The following DCP1B variants were observed in gnomAD, a reference collection of about 807,000 sequenced individuals.
DCP1B encodes the protein decapping mRNA 1B.
DCP1B carries 47 observed loss-of-function variants against 60.5 expected under a neutral mutation model. That is an observed-to-expected ratio of 0.78 (90% CI 0.61 to 0.99). The LOEUF is 0.99. DCP1B is among the 50% of genes least tolerant of loss of function. The pLI, the probability that DCP1B is intolerant of heterozygous loss-of-function variation, is 0.00. For synonymous variants in DCP1B, 267 were observed against 280.3 expected (o/e 0.95, Z 0.47); for missense variants, 725 against 756.8 (o/e 0.96, Z 0.49).
At position 1,965,570 on chromosome 12, in the gene DCP1B, G is replaced by A. The variant is rs546044828; in HGVS notation, c.510C>T (p.Asp170=). ...DILRMLIKAK[D]EYTKCKTCSE... ...GGCAAACACTCACCTTTGTGTATTC[G>A]TCTTTGGCCTTGATGAGCATTCGTA... The change falls in exon 5 of 9, where the codon GAC becomes GAT. Residue 170 remains aspartate (D), a synonymous_variant. Transcript: ENST00000280665. The A allele has an allele frequency of 1.3e-4, 202 of 1,612,862 alleles. No individual in the cohort carries two copies. The highest frequency in any genetic ancestry group is 1.6e-4 in the Non-Finnish European group (183 of 1,179,492).
At position 1,972,268 on chromosome 12, in the gene DCP1B, A is replaced by G. The variant is rs575354840; in HGVS notation, c.320-4358T>C. ...AAGTCTTCCTCACAAGAGTAGAATAATATTTTCAATGTAAGGATGGAGAAT... is the reference window on the plus strand; with the variant it reads ...AAGTCTTCCTCACAAGAGTAGAATAGTATTTTCAATGTAAGGATGGAGAAT... On this transcript the variant is annotated intron_variant, in intron 3 of 8. Transcript: ENST00000280665. Among the ~76,000 whole-genome samples the G allele has an allele frequency of 7.2e-5, 11 of 152,380 alleles. No individual in the cohort carries two copies. In the East Asian group the frequency reaches 2.1e-3, roughly 29 times the overall value.
chr12:1,981,926 AGTT>A (rs1193362471), intron 3 of DCP1B, among the ~76,000 whole-genome samples: 1 of 152,200 alleles, frequency 6.6e-6, no homozygotes, highest in Non-Finnish European at 1.5e-5. Flanking sequence ...GTGTATATGT[AGTT>A]GTTTGCTTGG....
Position 1,946,092 on chromosome 12 carries a change from A to G in DCP1B, c.*114T>C. On this transcript the variant is annotated 3_prime_UTR_variant, in exon 9 of 9. Coordinates refer to ENST00000280665, the MANE Select transcript of DCP1B (RefSeq NM_152640.5). ...TGAAACATTTTACTTCATATTACAC[A>G]TACTTTTTTTTTAAAAAAGGCAGAA... The G allele has an allele frequency of 1.3e-6, 1 of 784,810 alleles. No individual in the cohort carries two copies. The highest frequency in any genetic ancestry group is 1.9e-6 in the Non-Finnish European group (1 of 514,760). 48.6% of individuals were successfully genotyped at this position (784,810 alleles called of 1,614,324 possible).
intron 3 of DCP1B, among the ~76,000 whole-genome samples, chr12:1,981,463 C>T (rs1196426237): frequency 6.6e-6 from 1 of 152,192 alleles, no homozygotes; most frequent in Non-Finnish European, 1.5e-5. Flanking sequence ...AAGGTGCCTG[C>T]ACTCTAACAG....
intron 5 of DCP1B, among the ~76,000 whole-genome samples, chr12:1,958,141 G>C (rs1483671745): frequency 6.9e-6 from 1 of 145,952 alleles, no homozygotes; most frequent in East Asian, 2.1e-4. Context: ...CGTCGCTCTG[G>C]GCAATGACTT....
intron 4 of DCP1B, among the ~76,000 whole-genome samples, chr12:1,967,412 T>G (rs1049291744): frequency 6.6e-6 from 1 of 152,144 alleles, no homozygotes. Context: ...CCCACAAACA[T>G]GTATACACAG....
intron 3 of DCP1B, chr12:1,991,410 G>A (rs112600726): frequency 0.031 from 7,174 of 235,044 alleles, 178 homozygotes; most frequent in Middle Eastern, 0.072. Context: ...AACCACGAAC[G>A]TGAGCCACAT....
chr12:1,955,044 A>G (rs1346068459), intron 6 of DCP1B, among the ~76,000 whole-genome samples: 1 of 152,132 alleles, frequency 6.6e-6, no homozygotes, highest in Non-Finnish European at 1.5e-5. Flanking sequence ...TCCTGTAGAG[A>G]TGGAGTCTCA....
At chr12:1,982,133 G>C (rs894028161) in intron 3 of DCP1B, among the ~76,000 whole-genome samples, 1 of 152,180 alleles carries the variant, frequency 6.6e-6, no homozygotes, top group African/African-American at 2.4e-5. Flanking sequence ...GAGGGGATAA[G>C]CCAGATGTGA....
chr12:1,984,991 T>C (rs973668018), intron 3 of DCP1B, among the ~76,000 whole-genome samples: 1 of 151,628 alleles, frequency 6.6e-6, no homozygotes, highest in African/African-American at 2.4e-5. Flanking sequence ...AACATTATTA[T>C]CCTAGATGTA....
rs1302551386 is a variant in DCP1B, at chr12:1,962,550, C to T, written c.522+3008G>A. ...AAGTTCCTGGAGGGCAGAAATGTCA[C>T]CTTTTGAAGATTAATCTTTAGTGTG... On this transcript the variant is annotated intron_variant, in intron 5 of 8. Transcript: ENST00000280665. The surrounding 1 kb of genome is among the most constrained non-coding windows in gnomAD (Gnocchi z 4.4). Among the ~76,000 whole-genome samples the T allele has an allele frequency of 6.6e-6, 1 of 151,980 alleles. No homozygotes were observed. The highest frequency in any genetic ancestry group is 1.9e-4 in the East Asian group (1 of 5,192).
At chr12:1,942,191 A>T (rs111380137), downstream of DCP1B, among the ~76,000 whole-genome samples, 7 of 152,372 alleles carry the variant, frequency 4.6e-5, no homozygotes, top group African/African-American at 1.7e-4. Flanking sequence ...AAAAAGACAA[A>T]GAAGGGCATT....
At chr12:1,952,342 T>TC in intron 7 of DCP1B, 74 bp downstream of exon 7, 1 of 964,746 alleles carries the variant, frequency 1.0e-6, no homozygotes, top group Non-Finnish European at 1.4e-6. Context: ...CCTGGCTACT[T>TC]TTTTTTTTTT....
At chr12:1,979,244 C>T (rs2035381867) in intron 3 of DCP1B, among the ~76,000 whole-genome samples, 1 of 152,094 alleles carries the variant, frequency 6.6e-6, no homozygotes, top group Non-Finnish European at 1.5e-5. Context: ...AAACTCCTGA[C>T]CTCAGGTGAT....
At chr12:1,972,767 C>T (rs1209061249) in intron 3 of DCP1B, among the ~76,000 whole-genome samples, 1 of 150,064 alleles carries the variant, frequency 6.7e-6, no homozygotes, top group African/African-American at 2.5e-5. Flanking sequence ...AACCAAAGTT[C>T]ATATGGACTC....
chr12:1,976,676 A>G (rs1203939084), intron 3 of DCP1B, among the ~76,000 whole-genome samples: 1 of 152,188 alleles, frequency 6.6e-6, no homozygotes, highest in East Asian at 1.9e-4. Flanking sequence ...TACTTTAAAT[A>G]TTAGTTTCTT....
At chr12:1,942,751 A>G (rs1033890018), downstream of DCP1B, among the ~76,000 whole-genome samples, 1 of 152,206 alleles carries the variant, frequency 6.6e-6, no homozygotes, top group African/African-American at 2.4e-5. Context: ...AGGGAAAACA[A>G]AGACATATCG....
chr12:1,957,867 A>G (rs546470936), intron 5 of DCP1B, among the ~76,000 whole-genome samples: 81 of 152,242 alleles, frequency 5.3e-4, no homozygotes, highest in Middle Eastern at 3.2e-3. Flanking sequence ...TACCCATATC[A>G]TATATACTGA....
At chr12:1,999,546 C>T (rs1565880056) in intron 1 of DCP1B, among the ~76,000 whole-genome samples, 2 of 152,106 alleles carry the variant, frequency 1.3e-5, no homozygotes, top group African/African-American at 4.8e-5. Flanking sequence ...CATAGTGAGA[C>T]CTTGCCTCTA....
Sources: allele counts gnomAD v4.1 joint callset (sites outside exome capture counted in the v4.1 genomes callset), GRCh38; gene constraint gnomAD v4.1.1; non-coding constraint Gnocchi (gnomAD v3.1); transcripts MANE v1.5; gene names NCBI Gene and HGNC (gene_info 2026-07-23, HGNC 2026-07-21).